The following LUZP2 variants were observed in gnomAD, a reference collection of about 807,000 sequenced individuals.
The protein encoded by LUZP2 is leucine zipper protein 2.
A neutral mutation model predicts 51.6 loss-of-function variants in LUZP2; 52 were observed. The ratio of observed to expected loss-of-function variants is 1.01; its 90% CI spans 0.81 to 1.27. The LOEUF (loss-of-function observed/expected upper bound fraction) is 1.27, where lower values mean the gene tolerates loss of function less well. Ranked by LOEUF, LUZP2 falls within the 50% of genes most tolerant of loss-of-function variation. The pLI, the probability that LUZP2 is intolerant of heterozygous loss-of-function variation, is 0.00. For missense variants in LUZP2, 436 were observed against 395.4 expected (o/e 1.10, Z -0.87); for synonymous variants, 154 against 137.3 (o/e 1.12, Z -0.85).
chr11:24,621,616 T>C (rs1854497716), intron 1 of LUZP2, among the ~76,000 whole-genome samples: 1 of 152,178 alleles, frequency 6.6e-6, no homozygotes, highest in Admixed American at 6.5e-5. Flanking sequence ...TTGTGAAAGC[T>C]TTATGATTCT....
At chr11:24,813,474 G>A (rs1159885945) in intron 5 of LUZP2, among the ~76,000 whole-genome samples, 1 of 152,132 alleles carries the variant, frequency 6.6e-6, no homozygotes, top group African/African-American at 2.4e-5. Context: ...ACATCACATG[G>A]CAAGAATGGA....
At chr11:24,656,293 T>C (rs752435576) in intron 1 of LUZP2, among the ~76,000 whole-genome samples, 1 of 152,132 alleles carries the variant, frequency 6.6e-6, no homozygotes, top group Non-Finnish European at 1.5e-5. Flanking sequence ...TAATAAATTA[T>C]CACAAATTTA....
chr11:25,019,394 G>A (rs939834200), intron 9 of LUZP2, among the ~76,000 whole-genome samples: 1 of 151,970 alleles, frequency 6.6e-6, no homozygotes, highest in Non-Finnish European at 1.5e-5. Context: ...ATGATATAAT[G>A]CATTTCATTA....
At chr11:25,052,305 C>A (rs1330672279) in intron 10 of LUZP2, among the ~76,000 whole-genome samples, 1 of 152,182 alleles carries the variant, frequency 6.6e-6, no homozygotes, top group Non-Finnish European at 1.5e-5. Flanking sequence ...ACCAGTACTT[C>A]TTAGCTCTGT....
chr11:24,865,225 A>G (rs1851855250), intron 5 of LUZP2, among the ~76,000 whole-genome samples: 1 of 152,222 alleles, frequency 6.6e-6, no homozygotes, highest in Non-Finnish European at 1.5e-5. Context: ...AGGTAATGTC[A>G]GCTGAAAACT....
chr11:24,866,090 T>TG (rs1316922771), intron 5 of LUZP2, among the ~76,000 whole-genome samples: 1 of 150,896 alleles, frequency 6.6e-6, no homozygotes, highest in Non-Finnish European at 1.5e-5. Flanking sequence ...ATTACAGGCG[T>TG]GAGTCTCCCG....
intron 1 of LUZP2, among the ~76,000 whole-genome samples, chr11:24,601,922 A>ATATATATGTATATATGTATATATG (rs1163588179): frequency 1.5e-5 from 1 of 66,038 alleles, no homozygotes; most frequent in African/African-American, 7.8e-5. Flanking sequence ...GTATATATGT[A>ATATATATGTATATATGTATATATG]TATATATGTA....
intron 1 of LUZP2, among the ~76,000 whole-genome samples, chr11:24,520,885 G>A (rs774835434): frequency 2.0e-5 from 3 of 152,170 alleles, no homozygotes; most frequent in Non-Finnish European, 2.9e-5. Context: ...TCAACCAAGG[G>A]TTTTCCAGGG....
intron 9 of LUZP2, among the ~76,000 whole-genome samples, chr11:25,006,229 G>T (rs141918404): frequency 2.0e-5 from 3 of 152,232 alleles, no homozygotes; most frequent in African/African-American, 7.2e-5. Context: ...CCCAGAGAGT[G>T]GTTTTTAGAA....
intron 1 of LUZP2, among the ~76,000 whole-genome samples, chr11:24,504,719 TA>T (rs761290809): frequency 1.1e-4 from 16 of 151,714 alleles, no homozygotes; most frequent in Non-Finnish European, 2.4e-4. Context: ...AATTTTTTTT[TA>T]AATTCAAAAT....
At chr11:24,575,281 C>T (rs545182219) in intron 1 of LUZP2, among the ~76,000 whole-genome samples, 2 of 152,192 alleles carry the variant, frequency 1.3e-5, no homozygotes, top group East Asian at 3.9e-4. Context: ...TTCTTATTGT[C>T]CATGAAGACT....
At position 25,015,968 on chromosome 11, in the gene LUZP2, T is replaced by C. The variant is rs183260982; in HGVS notation, c.765+32675T>C. ...TGGAGTCTCTCTCTGTCACCCAGGC[T>C]GGAGTGCAGTGGTGCAATCTCGGCT... is the stretch of plus-strand genomic sequence containing the variant. On this transcript the variant is annotated intron_variant, in intron 9 of 11. Coordinates refer to ENST00000336930, the MANE Select transcript of LUZP2 (RefSeq NM_001009909.4). 2.8e-3 allele frequency among the ~76,000 whole-genome samples: 430 copies of C among 151,316 alleles called. 3 individuals carry two copies. The highest frequency in any genetic ancestry group is 9.8e-3 in the African/African-American group (405 of 41,148).
chr11:24,924,632 C>T (rs1252319809), intron 7 of LUZP2, among the ~76,000 whole-genome samples: 2 of 152,256 alleles, frequency 1.3e-5, no homozygotes, highest in East Asian at 3.9e-4. Context: ...ACCTGTGACA[C>T]AGCCTTAGAA....
chr11:24,545,885 C>T (rs79083470), intron 1 of LUZP2, among the ~76,000 whole-genome samples: 15,419 of 152,010 alleles, frequency 0.1, 983 homozygotes, highest in African/African-American at 0.17. Flanking sequence ...GCAGTATGGT[C>T]ATATTAACAA....
chr11:24,761,024 C>T (rs1467427647), intron 4 of LUZP2, among the ~76,000 whole-genome samples: 1 of 152,124 alleles, frequency 6.6e-6, no homozygotes, highest in Non-Finnish European at 1.5e-5. Flanking sequence ...AATCCAATAG[C>T]CTAGATTTTA....
chr11:25,010,381 C>T (rs1856946527), intron 9 of LUZP2, among the ~76,000 whole-genome samples: 1 of 151,914 alleles, frequency 6.6e-6, no homozygotes, highest in African/African-American at 2.4e-5. Flanking sequence ...TGGTGAAACC[C>T]TGTCTCTACT....
chr11:24,573,410 A>T (rs551698432), intron 1 of LUZP2, among the ~76,000 whole-genome samples: 4 of 152,200 alleles, frequency 2.6e-5, no homozygotes, highest in Non-Finnish European at 5.9e-5. Context: ...TAAAATGTCA[A>T]TAATAATCAG....
rs751337167 is a variant in LUZP2, at chr11:24,932,422, G to A, written c.522+17884G>A. The stretch of plus-strand genomic sequence containing the variant: ...GGGGGTAGAGAAAGACCTTCAGGTC[G>A]GGGGCAGGTTTAGGCCTGTTTGAGC... On this transcript the variant is annotated intron_variant, in intron 7 of 11. Coordinates refer to ENST00000336930, the MANE Select transcript of LUZP2 (RefSeq NM_001009909.4). 1.4e-4 allele frequency among the ~76,000 whole-genome samples: 21 copies of A among 152,206 alleles called. 1 individual carries two copies. The highest frequency in any genetic ancestry group is 1.2e-3 in the South Asian group (6 of 4,822).
intron 5 of LUZP2, among the ~76,000 whole-genome samples, chr11:24,841,213 C>T (rs921679817): frequency 6.6e-6 from 1 of 151,756 alleles, no homozygotes; most frequent in African/African-American, 2.4e-5. Flanking sequence ...GGAATTAGTG[C>T]CCTTATAAGA....
Sources: allele counts gnomAD v4.1 joint callset (sites outside exome capture counted in the v4.1 genomes callset), GRCh38; gene constraint gnomAD v4.1.1; transcripts MANE v1.5; gene names NCBI Gene and HGNC (gene_info 2026-07-23, HGNC 2026-07-21).